Variants in USP10 observed in about 807,000 individuals in gnomAD.
USP10 encodes the protein ubiquitin carboxyl-terminal hydrolase 10.
In USP10, 22 loss-of-function variants were observed where a neutral mutation model predicts 84.5. That is an observed-to-expected ratio of 0.26 (90% CI 0.19 to 0.37). USP10 has a LOEUF of 0.37. Ranked by LOEUF, USP10 falls within the 10% of genes least tolerant of loss-of-function variation. USP10 has a pLI of 1.00. For synonymous variants in USP10, 454 were observed against 387.6 expected (o/e 1.17, Z -2.01); for missense variants, 1,019 against 998.9 (o/e 1.02, Z -0.27).
chr16:84,736,177 G>A (rs1909917355), intron 2 of USP10, among the ~76,000 whole-genome samples: 1 of 152,262 alleles, frequency 6.6e-6, no homozygotes, highest in Non-Finnish European at 1.5e-5. Context: ...CAAACATGCA[G>A]TGTTTCTACC....
chr16:84,772,387 CAG>C (rs1914546001), intron 11 of USP10, among the ~76,000 whole-genome samples, 152 bp from the exon 12 acceptor site: 1 of 152,162 alleles, frequency 6.6e-6, no homozygotes, highest in African/African-American at 2.4e-5. Context: ...TGGTAGATCT[CAG>C]AGCTTCTGTG....
At chr16:84,753,511 A>G (rs1332201353) in intron 4 of USP10, among the ~76,000 whole-genome samples, 1 of 152,062 alleles carries the variant, frequency 6.6e-6, no homozygotes, top group Non-Finnish European at 1.5e-5. Flanking sequence ...ATGCGTGCTC[A>G]TCTTTGCTAT....
At chr16:84,748,689 T>C (rs1482355571) in intron 4 of USP10, among the ~76,000 whole-genome samples, 1 of 152,214 alleles carries the variant, frequency 6.6e-6, no homozygotes, top group Non-Finnish European at 1.5e-5. Context: ...TTATTTAAAA[T>C]AACCAAGAAA....
At chr16:84,755,456 C>G (rs957407041) in intron 4 of USP10, among the ~76,000 whole-genome samples, 2 of 151,682 alleles carry the variant, frequency 1.3e-5, no homozygotes. Flanking sequence ...ACGCTGCCCC[C>G]ACTCCTACAC....
chr16:84,700,023 G>A lies in USP10; in HGVS notation c.-68G>A, dbSNP rs976272448. The A allele has an allele frequency of 2.3e-5, 31 of 1,325,958 alleles. No individual in the cohort carries two copies. Among genetic ancestry groups the A allele is most frequent in the Non-Finnish European group, 2.8e-5 (28 of 1,012,778 alleles). The allele number at this position is 1,325,958 out of a possible 1,614,324, so 82.1% of individuals were successfully genotyped here. A position where few individuals can be genotyped will look rare whatever the true frequency, so the allele number is the denominator to read the frequency against. ...GCGAGTGTGTATGTGCGGGCGAGAA[G>A]ATGGCGGCGGCGGGGGAAGCAGCGT... On this transcript the variant is annotated 5_prime_UTR_variant, in exon 1 of 14. Transcript: ENST00000219473.
intron 1 of USP10, among the ~76,000 whole-genome samples, chr16:84,721,855 A>G (rs1907857046): frequency 1.3e-5 from 2 of 152,118 alleles, no homozygotes; most frequent in South Asian, 4.1e-4. Flanking sequence ...ACGCCGCCAC[A>G]CCTGGCTAAT....
chr16:84,700,614 G>T (rs1298074895), intron 1 of USP10, among the ~76,000 whole-genome samples: 1 of 152,188 alleles, frequency 6.6e-6, no homozygotes, highest in Non-Finnish European at 1.5e-5. Context: ...GATTGATGAT[G>T]CGGGGGTTGC....
chr16:84,775,087 T>G, intron 12 of USP10, 73 bp from the exon 13 acceptor site: 2 of 1,318,230 alleles, frequency 1.5e-6, no homozygotes, highest in South Asian at 2.4e-5. Context: ...GAGAATGTTG[T>G]TAGCCATTTT....
intron 4 of USP10, among the ~76,000 whole-genome samples, chr16:84,749,869 T>C (rs1382006950): frequency 6.6e-6 from 1 of 152,150 alleles, no homozygotes; most frequent in Non-Finnish European, 1.5e-5. Context: ...ATCTCCTCGG[T>C]GTAGGTTATG....
chr16:84,722,491 C>T (rs1907941242), intron 1 of USP10, among the ~76,000 whole-genome samples: 1 of 152,188 alleles, frequency 6.6e-6, no homozygotes, highest in African/African-American at 2.4e-5. Context: ...TTCAAAGCGG[C>T]CATGCCGTTT....
At chr16:84,723,696 C>G (rs1192981242) in intron 1 of USP10, among the ~76,000 whole-genome samples, 2 of 152,218 alleles carry the variant, frequency 1.3e-5, no homozygotes, top group Non-Finnish European at 2.9e-5. Context: ...ATGGATCTAA[C>G]TCGATTCTTG....
At chr16:84,711,863 G>A (rs1906350008) in intron 1 of USP10, among the ~76,000 whole-genome samples, 1 of 151,980 alleles carries the variant, frequency 6.6e-6, no homozygotes, top group Non-Finnish European at 1.5e-5. Flanking sequence ...GGGATTACAG[G>A]TGCGTGCCAC....
chr16:84,727,091 A>T (rs1908588667), intron 1 of USP10, among the ~76,000 whole-genome samples: 1 of 152,330 alleles, frequency 6.6e-6, no homozygotes, highest in South Asian at 2.1e-4. Context: ...TTTTATTTTA[A>T]TGACAGCCAC....
In USP10 at chr16:84,763,042, T is replaced by G. The variant is rs750334174; in HGVS notation, c.1608T>G (p.His536Gln). The change falls in exon 9 of 14, where the codon CAT becomes CAG. Residue 536 changes from histidine (H) to glutamine (Q), a missense_variant. By Grantham distance (24) the His-to-Gln change is conservative. Around this residue, in one of 2 missense-constraint regions of USP10, gnomAD observed 787 missense variants for 708.8 expected, o/e 1.11. Transcript: ENST00000219473. ...TAGGCTTCATTCTAAATGGACTTCA[T>G]GAGGAAATGTTGAACCTAAAGAAGC... ...EYLGFILNGL[H>Q]EEMLNLKKLL... The G allele has an allele frequency of 1.9e-6, 3 of 1,612,826 alleles. No individual in the cohort carries two copies. In the Admixed American group the frequency reaches 5.0e-5, roughly 27 times the overall value.
chr16:84,760,226 C>G lies in USP10; in HGVS notation c.1505C>G (p.Thr502Arg). 1 of 1,611,192 alleles carries G rather than the reference C, an allele frequency of 6.2e-7. No individual in the cohort carries two copies. The highest frequency in any genetic ancestry group is 8.5e-7 in the Non-Finnish European group (1 of 1,178,586). The stretch of plus-strand genomic sequence containing the variant: ...CGCCCTGGAGCTGCCTTTGAGCCCA[C>G]ATATATTTACAGACTCCTGACAGTT... ...DIRPGAAFEPTYIYRLLTVNK... is the reference protein window; with the variant it reads ...DIRPGAAFEPRYIYRLLTVNK... The change falls in exon 8 of 14, where the codon ACA (threonine) becomes AGA (arginine). Residue 502 changes from threonine (T) to arginine (R), a missense_variant. By Grantham distance (71) the Thr-to-Arg change is moderately conservative (BLOSUM62 -1). This residue lies in a region of USP10 where 787 missense variants were observed against 708.8 expected (regional missense o/e 1.11). Transcript: ENST00000219473.
At chr16:84,718,417 C>A (rs1163584448) in intron 1 of USP10, among the ~76,000 whole-genome samples, 1 of 152,156 alleles carries the variant, frequency 6.6e-6, no homozygotes, top group Non-Finnish European at 1.5e-5. Context: ...CTGTGTTTGG[C>A]AGGAGTTTAA....
chr16:84,759,551 G>C, intron 6 of USP10, 79 bp downstream of exon 6: 1 of 1,327,614 alleles, frequency 7.5e-7, no homozygotes, highest in Non-Finnish European at 1.1e-6. Flanking sequence ...GTTTAGTAAA[G>C]CTCTTGATTT....
At chr16:84,776,431 C>T (rs144764318) in intron 13 of USP10, among the ~76,000 whole-genome samples, 45 of 152,318 alleles carry the variant, frequency 3.0e-4, no homozygotes, top group African/African-American at 5.3e-4. Flanking sequence ...TTTCTCCCCC[C>T]GATCACAATT....
chr16:84,724,941 A>G (rs1377329232), intron 1 of USP10, among the ~76,000 whole-genome samples: 5 of 152,226 alleles, frequency 3.3e-5, no homozygotes, highest in African/African-American at 2.4e-5. Flanking sequence ...GCTAGCACCC[A>G]TAACTTACTG....
Sources: allele counts gnomAD v4.1 joint callset (sites outside exome capture counted in the v4.1 genomes callset), GRCh38; gene constraint gnomAD v4.1.1; regional missense constraint gnomAD v4.1.1; transcripts MANE v1.5; gene names NCBI Gene and HGNC (gene_info 2026-07-23, HGNC 2026-07-21).